Variants in SIL1 observed in about 807,000 individuals in gnomAD.
The protein encoded by SIL1 is nucleotide exchange factor SIL1.
SIL1 carries 40 observed loss-of-function variants against 49.1 expected under a neutral mutation model. The ratio of observed to expected loss-of-function variants is 0.81; its 90% CI spans 0.63 to 1.06. The LOEUF (loss-of-function observed/expected upper bound fraction) is 1.06. Among genes scored for constraint, SIL1 ranks in the 50% least tolerant of loss-of-function variants. The pLI is 0.00. For missense variants in SIL1, 500 were observed against 572.6 expected (o/e 0.87, Z 1.29); for synonymous variants, 253 against 250.8 (o/e 1.01, Z -0.08).
At chr5:139,044,285 C>A (rs895869901) in intron 4 of SIL1, among the ~76,000 whole-genome samples, 9 of 152,156 alleles carry the variant, frequency 5.9e-5, no homozygotes, top group African/African-American at 1.9e-4. Flanking sequence ...ACCACTGCCC[C>A]ACCCCACATA....
chr5:138,992,642 A>G (rs888172819), intron 7 of SIL1, among the ~76,000 whole-genome samples: 13 of 152,160 alleles, frequency 8.5e-5, no homozygotes. Flanking sequence ...CATCAAAAAA[A>G]TAAATAATCC....
intron 1 of SIL1, among the ~76,000 whole-genome samples, chr5:139,157,912 C>G (rs2151809223): frequency 6.6e-6 from 1 of 152,266 alleles, no homozygotes; most frequent in East Asian, 1.9e-4. Context: ...AGATGCTTTT[C>G]CTCTCCCTCA....
chr5:139,097,635 G>A (rs1242763630), intron 3 of SIL1, among the ~76,000 whole-genome samples: 5 of 151,796 alleles, frequency 3.3e-5, no homozygotes, highest in African/African-American at 4.8e-5. Context: ...ACGCCACTAC[G>A]CCTGGCTAAT....
chr5:139,004,230 G>A (rs373130442), intron 7 of SIL1, among the ~76,000 whole-genome samples: 4 of 151,906 alleles, frequency 2.6e-5, no homozygotes, highest in African/African-American at 9.7e-5. Context: ...TGAATTCCTG[G>A]CCTCAAGTGA....
At chr5:138,968,471 G>A (rs1041757239) in intron 7 of SIL1, among the ~76,000 whole-genome samples, 34 of 152,012 alleles carry the variant, frequency 2.2e-4, no homozygotes, top group Admixed American at 6.6e-5. Context: ...CTGCCTGAGC[G>A]CCCTGCCCCT....
chr5:139,171,390 G>A (rs1393649828), intron 1 of SIL1, among the ~76,000 whole-genome samples: 1 of 152,166 alleles, frequency 6.6e-6, no homozygotes, highest in Non-Finnish European at 1.5e-5. Context: ...CCTGTTGATG[G>A]GTGACCTTAC....
At chr5:139,010,377 A>G (rs1323978944) in intron 7 of SIL1, among the ~76,000 whole-genome samples, 7 of 147,818 alleles carry the variant, frequency 4.7e-5, no homozygotes, top group South Asian at 4.3e-4. Context: ...ATTTTTTTTC[A>G]AAGTTTTCAA....
At chr5:139,017,854 C>T (rs147588323) in intron 7 of SIL1, among the ~76,000 whole-genome samples, 1 of 152,118 alleles carries the variant, frequency 6.6e-6, no homozygotes, top group African/African-American at 2.4e-5. Flanking sequence ...AGACTGCAGA[C>T]AGACACACAC....
intron 3 of SIL1, among the ~76,000 whole-genome samples, chr5:139,092,645 G>A (rs79185776): frequency 0.01 from 1,547 of 152,274 alleles, 33 homozygotes; most frequent in African/African-American, 0.035. Context: ...AAGCAGAACC[G>A]CTACATCTTT....
intron 1 of SIL1, among the ~76,000 whole-genome samples, chr5:139,153,984 C>T (rs1440655541): frequency 6.6e-6 from 1 of 152,170 alleles, no homozygotes; most frequent in Non-Finnish European, 1.5e-5. Flanking sequence ...CCATTCTGTT[C>T]CAGGTTAATT....
intron 7 of SIL1, among the ~76,000 whole-genome samples, chr5:139,011,789 C>T (rs148115616): frequency 2.0e-5 from 3 of 152,190 alleles, no homozygotes; most frequent in Admixed American, 2.0e-4. Context: ...GTGAGTTCCT[C>T]CAAAGAGGAT....
intron 7 of SIL1, among the ~76,000 whole-genome samples, chr5:139,003,706 G>A (rs1768044722): frequency 2.6e-5 from 4 of 152,194 alleles, no homozygotes; most frequent in Non-Finnish European, 5.9e-5. Context: ...CAGAGAAAGA[G>A]AGAGAAACTG....
rs1049310882 is a variant in SIL1, at chr5:138,947,665, T to C, written c.1030-192A>G. On this transcript the variant is annotated intron_variant, in intron 9 of 9. Coordinates refer to ENST00000394817, the MANE Select transcript of SIL1 (RefSeq NM_022464.5). This position sits in a 1 kb window ranked among gnomAD's most constrained non-coding sequence, Gnocchi z 4.1. Reference sequence around the variant, plus strand: ...TTCATTCATCCACCAACAGAAACACTTGTGTGGTGCCAGGTGCTGAAGAAA... The same window carrying C: ...TTCATTCATCCACCAACAGAAACACCTGTGTGGTGCCAGGTGCTGAAGAAA... Among the ~76,000 whole-genome samples, 3 of 152,164 alleles carry C rather than the reference T, an allele frequency of 2.0e-5. No individual in the cohort carries two copies. Among genetic ancestry groups the C allele is most frequent in the African/African-American group, 7.2e-5 (3 of 41,434 alleles).
chr5:138,961,818 T>A (rs1767025109), intron 7 of SIL1, among the ~76,000 whole-genome samples: 1 of 152,158 alleles, frequency 6.6e-6, no homozygotes, highest in Non-Finnish European at 1.5e-5. Flanking sequence ...CTTTTGAAGC[T>A]CCTGTTCAGA....
chr5:139,085,269 C>T (rs769978246), intron 3 of SIL1, among the ~76,000 whole-genome samples: 4 of 151,976 alleles, frequency 2.6e-5, no homozygotes, highest in Non-Finnish European at 4.4e-5. Context: ...TGTACAGGAC[C>T]ACAGTGGAAA....
intron 1 of SIL1, among the ~76,000 whole-genome samples, chr5:139,191,221 C>CAAA (rs773259762): frequency 4.4e-4 from 30 of 67,878 alleles, no homozygotes; most frequent in East Asian, 1.3e-3. Context: ...GACTCTGTCT[C>CAAA]AAAAAAAAAA....
intron 3 of SIL1, among the ~76,000 whole-genome samples, chr5:139,060,975 G>C (rs1423373153): frequency 2.0e-5 from 3 of 152,220 alleles, no homozygotes; most frequent in Non-Finnish European, 4.4e-5. Context: ...CAGGAGGCAG[G>C]AGGCAAGAGA....
chr5:139,187,156 T>C (rs1752089945), intron 1 of SIL1, among the ~76,000 whole-genome samples: 3 of 151,932 alleles, frequency 2.0e-5, no homozygotes, highest in Admixed American at 2.0e-4. Context: ...ATAATAAAGG[T>C]GTTGCAATGG....
At chr5:139,113,327 AT>A (rs56337413) in intron 3 of SIL1, among the ~76,000 whole-genome samples, 63,987 of 150,668 alleles carry the variant, frequency 0.42, 13,736 homozygotes, top group Middle Eastern at 0.47. Flanking sequence ...AAATAAATAA[AT>A]TTAAAAAAAA....
Sources: allele counts gnomAD v4.1 joint callset (sites outside exome capture counted in the v4.1 genomes callset), GRCh38; gene constraint gnomAD v4.1.1; non-coding constraint Gnocchi (gnomAD v3.1); transcripts MANE v1.5; gene names NCBI Gene and HGNC (gene_info 2026-07-23, HGNC 2026-07-21).